ZBTB7C: variants seen among roughly 807,000 people sequenced by gnomAD.
The protein encoded by ZBTB7C is zinc finger and BTB domain-containing protein 7C.
Under a neutral mutation model 25.7 loss-of-function variants are expected in ZBTB7C, and 8 were observed. The observed-to-expected ratio is 0.31, with a 90% confidence interval of 0.18 to 0.56. The LOEUF (loss-of-function observed/expected upper bound fraction) is 0.56, where lower values mean the gene tolerates loss of function less well. ZBTB7C is among the 20% of genes least tolerant of loss of function. The probability of loss-of-function intolerance (pLI) is 0.91; values close to 1 mark genes in which losing one functional copy is unlikely to be tolerated. For synonymous variants in ZBTB7C, 394 were observed against 369.0 expected (o/e 1.07, Z -0.78); for missense variants, 824 against 855.2 (o/e 0.96, Z 0.46).
intron 2 of ZBTB7C, among the ~76,000 whole-genome samples, chr18:48,310,607 C>T (rs1212451656): frequency 6.6e-6 from 1 of 152,024 alleles, no homozygotes; most frequent in Non-Finnish European, 1.5e-5. Flanking sequence ...TTTCAGAATG[C>T]CGAGGGAAGG....
At chr18:48,356,816 G>T (rs1035325173) in intron 1 of ZBTB7C, among the ~76,000 whole-genome samples, 12 of 152,200 alleles carry the variant, frequency 7.9e-5, no homozygotes, top group African/African-American at 2.9e-4. Context: ...AGCAGTGAGT[G>T]ACTGGCATTC....
At chr18:48,039,875 C>T (rs748454098) in intron 4 of ZBTB7C, 25 bp downstream of exon 4, 2 of 1,606,292 alleles carry the variant, frequency 1.2e-6, no homozygotes, top group South Asian at 2.2e-5. Context: ...CCCCGTGCCC[C>T]ACACCCGAGG....
intron 3 of ZBTB7C, among the ~76,000 whole-genome samples, chr18:48,067,972 G>A (rs1474187372): frequency 6.6e-6 from 1 of 152,056 alleles, no homozygotes; most frequent in Non-Finnish European, 1.5e-5. Flanking sequence ...TTGCACTCCG[G>A]CCTGGGCAAT....
intron 3 of ZBTB7C, among the ~76,000 whole-genome samples, chr18:48,181,629 T>C (rs950361693): frequency 6.6e-6 from 1 of 152,172 alleles, no homozygotes; most frequent in Admixed American, 6.5e-5. Context: ...TTTCCAAATA[T>C]ATCAGCTTGC....
At chr18:48,308,595 A>G (rs1038952897) in intron 2 of ZBTB7C, among the ~76,000 whole-genome samples, 2 of 152,238 alleles carry the variant, frequency 1.3e-5, no homozygotes, top group Admixed American at 1.3e-4. Context: ...AACTGATAGA[A>G]AAATAGTCAG....
intron 3 of ZBTB7C, among the ~76,000 whole-genome samples, chr18:48,075,015 T>A (rs1475436760): frequency 6.6e-6 from 1 of 152,194 alleles, no homozygotes; most frequent in Non-Finnish European, 1.5e-5. Flanking sequence ...TTTGCCAGCA[T>A]CAAAATAGGT....
intron 3 of ZBTB7C, among the ~76,000 whole-genome samples, chr18:48,060,124 A>G (rs1048398837): frequency 6.6e-6 from 1 of 152,126 alleles, no homozygotes; most frequent in African/African-American, 2.4e-5. Flanking sequence ...ATCCTCTCCC[A>G]CACGACCCAT....
In ZBTB7C at chr18:48,339,403, A is replaced by C. The variant is rs1287720841; in HGVS notation, c.-303-1005T>G. Among the ~76,000 whole-genome samples the C allele has an allele frequency of 3.3e-5, 5 of 152,370 alleles. No individual in the cohort carries two copies. In the East Asian group the frequency reaches 7.7e-4, roughly 24 times the overall value. ...CCCAGAGATAGGAGTGAGAGTGGCA[A>C]AAGAAGGAAGGGACACATATATAAT... On this transcript the variant is annotated intron_variant, in intron 1 of 4. Coordinates refer to ENST00000590800, the MANE Select transcript of ZBTB7C (RefSeq NM_001318841.2).
chr18:48,064,003 A>T (rs1460671292), intron 3 of ZBTB7C, among the ~76,000 whole-genome samples: 4 of 152,214 alleles, frequency 2.6e-5, no homozygotes, highest in African/African-American at 9.6e-5. Context: ...CTTTCCAAGT[A>T]AATGTCAACA....
intron 2 of ZBTB7C, among the ~76,000 whole-genome samples, chr18:48,219,833 G>C (rs1049104191): frequency 6.6e-6 from 1 of 152,198 alleles, no homozygotes; most frequent in Non-Finnish European, 1.5e-5. Context: ...ACTGGTGTCA[G>C]AGCAGAGAGT....
intron 2 of ZBTB7C, among the ~76,000 whole-genome samples, chr18:48,309,881 C>T (rs536707591): frequency 5.3e-5 from 8 of 152,266 alleles, no homozygotes; most frequent in South Asian, 2.1e-4. Context: ...TTCTATTTGC[C>T]GGGTTCTGGT....
intron 4 of ZBTB7C, among the ~76,000 whole-genome samples, chr18:48,032,564 A>G (rs1476567650): frequency 1.3e-5 from 2 of 149,594 alleles, no homozygotes; most frequent in Non-Finnish European, 2.9e-5. Context: ...CCTCCTGAGT[A>G]GCTGGGACTA....
Position 48,040,661 on chromosome 18 carries a change from A to G in ZBTB7C, c.447T>C (p.Asp149=), listed in dbSNP as rs1403419669. 6.2e-7 allele frequency: 1 copy of G among 1,613,078 alleles called. No individual in the cohort carries two copies. The highest frequency in any genetic ancestry group is 8.5e-7 in the Non-Finnish European group (1 of 1,179,638). The change falls in exon 4 of 5, where the codon GAT becomes GAC. Residue 149 remains aspartate (D), a synonymous_variant. Transcript: ENST00000590800. ...CCTCCTCCTCTTCGTCCTCCTCATC[A>G]TCATCATCTTCGTCGTCGTCATCGT... ...KEDDDDDEDD[D]DEEDEEEEEE...
intron 2 of ZBTB7C, among the ~76,000 whole-genome samples, chr18:48,307,631 C>T (rs1283917713): frequency 6.6e-6 from 1 of 152,206 alleles, no homozygotes; most frequent in Non-Finnish European, 1.5e-5. Context: ...GGGTGGATGG[C>T]AAGGTCAAGA....
intron 3 of ZBTB7C, among the ~76,000 whole-genome samples, chr18:48,168,817 A>C (rs768862326): frequency 2.6e-5 from 4 of 152,240 alleles, no homozygotes; most frequent in Non-Finnish European, 4.4e-5. Context: ...ATCAGGCATA[A>C]ACATGGCTTC....
intron 1 of ZBTB7C, among the ~76,000 whole-genome samples, chr18:48,384,510 G>C (rs1206094748): frequency 6.6e-6 from 1 of 152,194 alleles, no homozygotes; most frequent in East Asian, 1.9e-4. Flanking sequence ...TTAGAAAGTT[G>C]GGAGAGGGAT....
intron 3 of ZBTB7C, among the ~76,000 whole-genome samples, chr18:48,044,071 C>T (rs1288089630): frequency 6.6e-6 from 1 of 152,206 alleles, no homozygotes; most frequent in African/African-American, 2.4e-5. Context: ...TAGGCAGCCC[C>T]ACCAAGGTGC....
chr18:48,329,609 G>C (rs1209674635), intron 2 of ZBTB7C, among the ~76,000 whole-genome samples: 1 of 152,166 alleles, frequency 6.6e-6, no homozygotes, highest in Non-Finnish European at 1.5e-5. Context: ...TTTGTCTTCT[G>C]GGTGCAGTTT....
chr18:48,399,169 T>A (rs2048101819), intron 1 of ZBTB7C, among the ~76,000 whole-genome samples: 1 of 152,332 alleles, frequency 6.6e-6, no homozygotes, highest in East Asian at 1.9e-4. Context: ...AAAAATACCA[T>A]GCGCATGGAT....
Sources: allele counts gnomAD v4.1 joint callset (sites outside exome capture counted in the v4.1 genomes callset), GRCh38; gene constraint gnomAD v4.1.1; transcripts MANE v1.5; gene names NCBI Gene and HGNC (gene_info 2026-07-23, HGNC 2026-07-21).